Variants in SMG1 observed in about 807,000 individuals in gnomAD.
The protein encoded by SMG1 is serine/threonine-protein kinase SMG1.
Under a neutral mutation model 419.9 loss-of-function variants are expected in SMG1, and 22 were observed. The observed-to-expected ratio is 0.05, with a 90% confidence interval of 0.04 to 0.07. The LOEUF is 0.07. SMG1 is among the 10% of genes least tolerant of loss of function. The probability of loss-of-function intolerance (pLI) is 1.00; values close to 1 mark genes in which losing one functional copy is unlikely to be tolerated. For synonymous variants in SMG1, 1,538 were observed against 1,553.5 expected (o/e 0.99, Z 0.23); for missense variants, 3,185 against 4,342.0 (o/e 0.73, Z 7.49).
At chr16:18,920,878 C>G (rs1361757536) in intron 1 of SMG1, among the ~76,000 whole-genome samples, 17 of 151,976 alleles carry the variant, frequency 1.1e-4, no homozygotes, top group Non-Finnish European at 2.4e-4. Context: ...TGGCTCACGT[C>G]TGTAATCCCA....
At chr16:18,879,355 T>C (rs2036284269) in intron 11 of SMG1, 140 bp downstream of exon 11, 10 of 638,290 alleles carry the variant, frequency 1.6e-5, no homozygotes, top group African/African-American at 3.7e-5. Flanking sequence ...ATGCAAGCAA[T>C]CCTTCTGCTT....
In SMG1 at chr16:18,838,215, C is replaced by G. The variant is rs769685416; in HGVS notation, c.7212G>C (p.Arg2404=). 2.5e-6 allele frequency: 4 copies of G among 1,611,228 alleles called. No individual in the cohort carries two copies. The highest frequency in any genetic ancestry group is 3.4e-6 in the Non-Finnish European group (4 of 1,178,506). The change falls in exon 45 of 63, where the codon CGG becomes CGC. Residue 2404 remains arginine, a synonymous_variant. Transcript: ENST00000446231. The part of the protein sequence containing the change: ...LSCEQVLHIM[R]RGRETLLTLL... ...GCGTCAGCAGGGTCTCTCTGCCACG[C>G]CGCATAATGTGTAAAACCTGTTTTC...
chr16:18,827,004 T>G (rs1193890630), intron 55 of SMG1, among the ~76,000 whole-genome samples: 1 of 39,788 alleles, frequency 2.5e-5, no homozygotes, highest in Non-Finnish European at 7.1e-5. Context: ...AATATTCGGG[T>G]GGGAGTGACC....
intron 51 of SMG1, 92 bp from the exon 52 acceptor site, chr16:18,830,461 TGTGAGA>T: frequency 7.3e-7 from 1 of 1,376,686 alleles, no homozygotes; most frequent in South Asian, 1.3e-5. Context: ...AGCTGCATGC[TGTGAGA>T]GTCTAGAAAG....
At position 18,816,454 on chromosome 16, in the gene SMG1, A is replaced by T. The variant is rs779843683; in HGVS notation, c.10150T>A (p.Ser3384Thr). 9.3e-6 allele frequency: 15 copies of T among 1,613,964 alleles called. No homozygotes were observed. In the South Asian group the frequency reaches 1.6e-4, roughly 18 times the overall value. ...TCTGTCTGAATTGCCCTCTGAGTAG[A>T]CATATCCTGGGTCAACTGTTTGTGT... ...SAHKQLTQDM[S>T]TQRAIQTEKE... The change falls in exon 58 of 63, where the codon TCT becomes ACT. Residue 3384 changes from serine to threonine, a missense_variant. Transcript: ENST00000446231.
chr16:18,830,615 C>T (rs1350061237), intron 51 of SMG1, among the ~76,000 whole-genome samples: 1 of 152,062 alleles, frequency 6.6e-6, no homozygotes. Flanking sequence ...TGGAGAAACC[C>T]CGTCTCTACT....
At position 18,881,946 on chromosome 16, in the gene SMG1, A is replaced by T. The variant is rs184130212; in HGVS notation, c.1293+219T>A. ...ATTCAGAGTGGCCTTTTGTCATGGGAGGGTAGGGGAGTTGGATGAAAGGAG... is the reference window on the plus strand; with the variant it reads ...ATTCAGAGTGGCCTTTTGTCATGGGTGGGTAGGGGAGTTGGATGAAAGGAG... On this transcript the variant is annotated intron_variant, in intron 10 of 62. Transcript: ENST00000446231. Among the ~76,000 whole-genome samples the T allele has an allele frequency of 4.9e-3, 746 of 152,186 alleles. 21 individuals carry two copies. Among genetic ancestry groups the T allele is most frequent in the Admixed American group, 0.039 (599 of 15,260 alleles).
intron 8 of SMG1, 78 bp from the exon 9 acceptor site, chr16:18,884,245 G>C (rs2036525825): frequency 1.0e-5 from 7 of 674,184 alleles, no homozygotes; most frequent in Non-Finnish European, 1.8e-5. Context: ...AAAAATAAGA[G>C]GCTTGTTTTA....
Position 18,876,158 on chromosome 16 carries a change from G to A in SMG1, c.1856C>T (p.Thr619Ile). 6.2e-7 allele frequency: 1 copy of A among 1,611,772 alleles called. No individual in the cohort carries two copies. The highest frequency in any genetic ancestry group is 8.5e-7 in the Non-Finnish European group (1 of 1,179,682). The change falls in exon 13 of 63, where the codon ACT (threonine) becomes ATT (isoleucine). Residue 619 changes from threonine (T) to isoleucine (I), a missense_variant. Thr to Ile is a moderately conservative substitution (Grantham distance 89). Around this residue, in one of 27 missense-constraint regions of SMG1, gnomAD observed 297 missense variants for 491.0 expected, o/e 0.60. Coordinates refer to ENST00000446231, the MANE Select transcript of SMG1 (RefSeq NM_015092.5). ...FVVIFDLSAL[T>I]TIGNAKNSLI... is the part of the protein sequence containing the mutation. The stretch of plus-strand genomic sequence containing the variant: ...TGAGTTTTTGGCATTTCCAATTGTA[G>A]TCAGGGCACTGAGGTCAAATATAAC...
intron 62 of SMG1, among the ~76,000 whole-genome samples, chr16:18,810,043 T>C (rs752714943): frequency 6.6e-6 from 1 of 151,680 alleles, no homozygotes. Context: ...AATATAATAG[T>C]GTTTAAAAGA....
At chr16:18,923,024 G>A (rs1440640612) in intron 1 of SMG1, among the ~76,000 whole-genome samples, 1 of 152,174 alleles carries the variant, frequency 6.6e-6, no homozygotes, top group East Asian at 1.9e-4. Context: ...ACTGCAGTAA[G>A]CCAAGTATCT....
At chr16:18,919,047 C>A (rs1254033069) in intron 1 of SMG1, among the ~76,000 whole-genome samples, 1 of 152,132 alleles carries the variant, frequency 6.6e-6, no homozygotes, top group East Asian at 1.9e-4. Context: ...CTGGCCGTGG[C>A]CCAGTGCAGT....
chr16:18,901,322 C>A (rs2141883622), intron 1 of SMG1, among the ~76,000 whole-genome samples: 1 of 152,226 alleles, frequency 6.6e-6, no homozygotes, highest in East Asian at 1.9e-4. Context: ...CTCATGGGTT[C>A]AGCCTCTCAA....
intron 5 of SMG1, among the ~76,000 whole-genome samples, chr16:18,890,098 A>G (rs1314988918): frequency 1.3e-5 from 2 of 152,236 alleles, no homozygotes; most frequent in African/African-American, 4.8e-5. Flanking sequence ...CAACACTGCA[A>G]ATCTTTGGGA....
chr16:18,850,856 C>A (rs2034551597), intron 33 of SMG1, among the ~76,000 whole-genome samples: 1 of 152,086 alleles, frequency 6.6e-6, no homozygotes, highest in Non-Finnish European at 1.5e-5. Flanking sequence ...CAGGTTCAAG[C>A]AATTCTCATG....
chr16:18,830,207 G>A lies in SMG1; in HGVS notation c.8943+12C>T. The A allele has an allele frequency of 1.2e-6, 2 of 1,613,164 alleles. No homozygotes were observed. The highest frequency in any genetic ancestry group is 1.7e-6 in the Non-Finnish European group (2 of 1,179,446). ...GCACTTGCATTATTTTTAAATCCAA[G>A]TCCACATTTACCTTTTCAACTAATA... is the stretch of plus-strand genomic sequence containing the variant. On this transcript the variant is annotated intron_variant, in intron 52 of 62. Coordinates refer to ENST00000446231, the MANE Select transcript of SMG1 (RefSeq NM_015092.5).
chr16:18,895,491 A>T (rs2037082277), intron 3 of SMG1, among the ~76,000 whole-genome samples: 1 of 150,052 alleles, frequency 6.7e-6, no homozygotes, highest in Admixed American at 6.8e-5. Flanking sequence ...AAATATATTG[A>T]AAACAACAAC....
rs527826877 is a variant in SMG1, at chr16:18,816,038, C to A, written c.10302+264G>T. 2.0e-5 allele frequency: 10 copies of A among 496,628 alleles called. No individual in the cohort carries two copies. The East Asian group carries it at 3.7e-4, about 18-fold the overall frequency. The allele number at this position is 496,628 out of a possible 1,614,324, so 30.8% of individuals were successfully genotyped here. On this transcript the variant is annotated intron_variant, in intron 58 of 62. Transcript: ENST00000446231. Reference sequence around the variant, plus strand: ...GATATCTGAATGCTCAGACTAGGTTCATATCTTGGTTTTATTACAAGTTAT... The same window carrying A: ...GATATCTGAATGCTCAGACTAGGTTAATATCTTGGTTTTATTACAAGTTAT...
chr16:18,855,836 G>T (rs185131513), intron 29 of SMG1, among the ~76,000 whole-genome samples: 1 of 152,246 alleles, frequency 6.6e-6, no homozygotes, highest in Admixed American at 6.5e-5. Context: ...GGGTAAATCT[G>T]AACATTTCAC....
Sources: allele counts gnomAD v4.1 joint callset (sites outside exome capture counted in the v4.1 genomes callset), GRCh38; gene constraint gnomAD v4.1.1; regional missense constraint gnomAD v4.1.1; transcripts MANE v1.5; gene names NCBI Gene and HGNC (gene_info 2026-07-23, HGNC 2026-07-21).